The following ZEB1 variants were observed in gnomAD, a reference collection of about 807,000 sequenced individuals.
The protein encoded by ZEB1 is zinc finger E-box binding homeobox 1.
A neutral mutation model predicts 84.9 loss-of-function variants in ZEB1; 21 were observed. The observed-to-expected ratio is 0.25, with a 90% CI of 0.18 to 0.36. The LOEUF is 0.36. Among genes scored for constraint, ZEB1 ranks in the 10% least tolerant of loss-of-function variants. ZEB1 has a pLI of 1.00. For missense variants in ZEB1, 1,104 were observed against 1,330.2 expected, an observed-to-expected ratio of 0.83 and a Z score of 2.65; for synonymous variants, 420 against 471.1, an observed-to-expected ratio of 0.89 and a Z score of 1.41.
At chr10:31,395,947 G>A (rs1303153698) in intron 1 of ZEB1, among the ~76,000 whole-genome samples, 1 of 152,082 alleles carries the variant, frequency 6.6e-6, no homozygotes, top group Admixed American at 6.5e-5. Flanking sequence ...ATGTCCATGG[G>A]GTGGAGAGGA....
At chr10:31,383,337 A>T (rs1472763505) in intron 1 of ZEB1, among the ~76,000 whole-genome samples, 2 of 152,158 alleles carry the variant, frequency 1.3e-5, no homozygotes, top group African/African-American at 2.4e-5. Context: ...TTAATTATTT[A>T]AATTTAAATA....
intron 1 of ZEB1, among the ~76,000 whole-genome samples, chr10:31,445,672 A>G (rs2059667046): frequency 6.8e-6 from 1 of 147,896 alleles, no homozygotes; most frequent in Admixed American, 6.8e-5. Flanking sequence ...TATTGAGATA[A>G]TCATGTGGTT....
intron 3 of ZEB1, among the ~76,000 whole-genome samples, chr10:31,499,888 T>TA (rs1358267801): frequency 1.3e-5 from 2 of 152,096 alleles, no homozygotes; most frequent in East Asian, 1.9e-4. Flanking sequence ...ATTTGTATGT[T>TA]AAAAAAATCT....
chr10:31,486,399 TA>T (rs892605918), intron 2 of ZEB1, among the ~76,000 whole-genome samples: 2 of 151,726 alleles, frequency 1.3e-5, no homozygotes, highest in African/African-American at 2.4e-5. Context: ...TTTTATCAGA[TA>T]TTTTTTACTT....
At chr10:31,396,740 G>C (rs1335863844) in intron 1 of ZEB1, among the ~76,000 whole-genome samples, 1 of 152,178 alleles carries the variant, frequency 6.6e-6, no homozygotes, top group Non-Finnish European at 1.5e-5. Flanking sequence ...TCACCACCAT[G>C]TGATAATTAT....
intron 1 of ZEB1, among the ~76,000 whole-genome samples, chr10:31,374,204 A>C (rs2046217375): frequency 6.6e-6 from 1 of 151,996 alleles, no homozygotes; most frequent in African/African-American, 2.4e-5. Flanking sequence ...CGATTCACAT[A>C]GTTTAAGTAA....
At chr10:31,405,856 C>A (rs1243190821) in intron 1 of ZEB1, among the ~76,000 whole-genome samples, 1 of 152,130 alleles carries the variant, frequency 6.6e-6, no homozygotes. Context: ...CCTCCCACAC[C>A]TCAACAGGCC....
At chr10:31,369,780 A>G (rs2045364615) in intron 1 of ZEB1, among the ~76,000 whole-genome samples, 1 of 152,178 alleles carries the variant, frequency 6.6e-6, no homozygotes, top group South Asian at 2.1e-4. Context: ...AAACTTCCAT[A>G]CTATTTACCA....
intron 2 of ZEB1, among the ~76,000 whole-genome samples, chr10:31,479,852 T>G (rs1439095897): frequency 4.6e-5 from 7 of 151,932 alleles, no homozygotes; most frequent in African/African-American, 9.7e-5. Flanking sequence ...AAAATAAAAT[T>G]TATACAGTAA....
chr10:31,481,014 A>G (rs1411061626), intron 2 of ZEB1, among the ~76,000 whole-genome samples: 1 of 152,110 alleles, frequency 6.6e-6, no homozygotes, highest in Non-Finnish European at 1.5e-5. Context: ...GGAAGTATCA[A>G]TCCTCCCCCT....
intron 1 of ZEB1, among the ~76,000 whole-genome samples, chr10:31,375,244 T>A (rs368544863): frequency 6.6e-6 from 1 of 151,812 alleles, no homozygotes; most frequent in Non-Finnish European, 1.5e-5. Flanking sequence ...GTATTCTGAT[T>A]TGAAGATCTC....
At chr10:31,519,266 G>A (rs2071798902) in intron 6 of ZEB1, among the ~76,000 whole-genome samples, 1 of 152,086 alleles carries the variant, frequency 6.6e-6, no homozygotes, top group South Asian at 2.1e-4. Context: ...AGGTTTGTAG[G>A]AAAATATTCC....
At chr10:31,459,974 G>A (rs1324500976) in intron 1 of ZEB1, among the ~76,000 whole-genome samples, 1 of 151,588 alleles carries the variant, frequency 6.6e-6, no homozygotes, top group African/African-American at 2.4e-5. Flanking sequence ...AAGAATAACT[G>A]ATAGTAATTA....
chr10:31,445,584 C>T (rs1465931662), intron 1 of ZEB1, among the ~76,000 whole-genome samples: 1 of 152,102 alleles, frequency 6.6e-6, no homozygotes, highest in Non-Finnish European at 1.5e-5. Context: ...TTTTGAAGTA[C>T]GTCCCATTAA....
chr10:31,528,552 TTGTACTGTA>T lies in ZEB1; in HGVS notation c.*1292_*1300del, dbSNP rs2140004500. ...TAGTTTATAGATCTGTGCAACATTT[TTGTACTGTA>T]TGTCTTCAAACCTGGCAGTATTAAT... On this transcript the variant is annotated 3_prime_UTR_variant, in exon 9 of 9. Transcript: ENST00000424869. 6.6e-6 allele frequency: 1 copy of T among 152,364 alleles called. No homozygotes were observed. Among genetic ancestry groups the T allele is most frequent in the African/African-American group, 2.4e-5 (1 of 41,592 alleles). The allele number at this position is 152,364 out of a possible 1,614,324, so 9.4% of individuals were successfully genotyped here. A position where few individuals can be genotyped will look rare whatever the true frequency, so the allele number is the denominator to read the frequency against.
rs146870552 is a variant in ZEB1 at position 31,432,458 on chromosome 10, G to A, written c.59-28579G>A. ...TTAAAAATTAGCCAGGTGTGGTACTGTGTGCCTGTGGTCCCAGCTACTCAG... is the reference window on the plus strand; with the variant it reads ...TTAAAAATTAGCCAGGTGTGGTACTATGTGCCTGTGGTCCCAGCTACTCAG... On this transcript the variant is annotated intron_variant, in intron 1 of 8. Coordinates refer to ENST00000424869, the MANE Select transcript of ZEB1 (RefSeq NM_001174096.2). Among the ~76,000 whole-genome samples the A allele has an allele frequency of 8.0e-3, 1,213 of 152,148 alleles. 19 individuals carry two copies. The highest frequency in any genetic ancestry group is 0.028 in the African/African-American group (1,158 of 41,500).
intron 1 of ZEB1, chr10:31,319,619 C>G: frequency 2.9e-6 from 1 of 344,298 alleles, no homozygotes; most frequent in Non-Finnish European, 5.2e-6. Context: ...GCGGCCGGGA[C>G]GCACTGGCCA....
chr10:31,355,166 C>A (rs2041919787), intron 1 of ZEB1: 1 of 152,040 alleles, frequency 6.6e-6, no homozygotes, highest in South Asian at 2.1e-4. Context: ...GAAGACAGAG[C>A]AGGCATTGGA....
intron 1 of ZEB1, among the ~76,000 whole-genome samples, chr10:31,354,207 C>T (rs1463057875): frequency 6.6e-6 from 1 of 152,096 alleles, no homozygotes; most frequent in Admixed American, 6.5e-5. Flanking sequence ...AATCCCATTT[C>T]ATCTTTTCAT....
Sources: allele counts gnomAD v4.1 joint callset (sites outside exome capture counted in the v4.1 genomes callset), GRCh38; gene constraint gnomAD v4.1.1; transcripts MANE v1.5; gene names NCBI Gene and HGNC (gene_info 2026-07-23, HGNC 2026-07-21).